The following RBFOX1 variants were observed in gnomAD, a reference collection of about 807,000 sequenced individuals.
RBFOX1 encodes the protein RNA binding protein fox-1 homolog 1.
A neutral mutation model predicts 57.7 loss-of-function variants in RBFOX1; 8 were observed. The ratio of observed to expected loss-of-function variants is 0.14; its 90% CI spans 0.08 to 0.25. The LOEUF (loss-of-function observed/expected upper bound fraction) is 0.25. Among genes scored for constraint, RBFOX1 ranks in the 10% least tolerant of loss-of-function variants. RBFOX1 has a pLI of 1.00. For synonymous variants in RBFOX1, 326 were observed against 222.4 expected (o/e 1.47, Z -4.15); for missense variants, 611 against 548.5 (o/e 1.11, Z -1.14).
chr16:7,027,966 G>A (rs1221974735), intron 3 of RBFOX1, among the ~76,000 whole-genome samples: 2 of 151,268 alleles, frequency 1.3e-5, no homozygotes, highest in Non-Finnish European at 2.9e-5. Flanking sequence ...AAGGAAGGAA[G>A]AAACAAGGGT....
chr16:6,063,450 T>C (rs1001225794), intron 1 of RBFOX1, among the ~76,000 whole-genome samples: 1 of 145,598 alleles, frequency 6.9e-6, no homozygotes, highest in African/African-American at 2.6e-5. Context: ...CATTAGCGTC[T>C]GTTCTCTTTC....
At chr16:5,458,589 C>G (rs2068699317) in intron 1 of RBFOX1, among the ~76,000 whole-genome samples, 1 of 152,198 alleles carries the variant, frequency 6.6e-6, no homozygotes, top group African/African-American at 2.4e-5. Flanking sequence ...GCCTCACAGC[C>G]TAGACTGGGC....
chr16:7,292,485 ATATGTAT>A (rs1310521550), intron 4 of RBFOX1, among the ~76,000 whole-genome samples: 1 of 138,868 alleles, frequency 7.2e-6, no homozygotes. Flanking sequence ...GTATTATATA[ATATGTAT>A]TATGTATTAT....
intron 1 of RBFOX1, among the ~76,000 whole-genome samples, chr16:5,377,751 A>C (rs1482951285): frequency 6.6e-6 from 1 of 151,466 alleles, no homozygotes; most frequent in Non-Finnish European, 1.5e-5. Context: ...CTGTCTCCAC[A>C]CTTGTCAACA....
chr16:6,998,713 G>T (rs1263361995), intron 3 of RBFOX1, among the ~76,000 whole-genome samples: 1 of 152,036 alleles, frequency 6.6e-6, no homozygotes, highest in South Asian at 2.1e-4. Context: ...ATGGCTACAG[G>T]TTGTCTTGTA....
chr16:6,944,879 T>C (rs367788872), intron 3 of RBFOX1, among the ~76,000 whole-genome samples: 3 of 152,166 alleles, frequency 2.0e-5, no homozygotes, highest in Admixed American at 2.0e-4. Flanking sequence ...TGATGGCTGA[T>C]TCGTGGGTAG....
chr16:7,020,511 G>C (rs1044951977), intron 3 of RBFOX1, among the ~76,000 whole-genome samples: 7 of 152,056 alleles, frequency 4.6e-5, no homozygotes, highest in African/African-American at 4.8e-5. Flanking sequence ...CAGCCACCGC[G>C]CCCAGCCAAT....
At chr16:7,270,521 GT>G (rs1421450789) in intron 4 of RBFOX1, among the ~76,000 whole-genome samples, 1 of 152,208 alleles carries the variant, frequency 6.6e-6, no homozygotes, top group Admixed American at 6.5e-5. Flanking sequence ...CCATTGGGCA[GT>G]TTCAGACCTT....
At chr16:7,568,257 G>T (rs891573538) in intron 5 of RBFOX1, among the ~76,000 whole-genome samples, 8 of 152,172 alleles carry the variant, frequency 5.3e-5, no homozygotes, top group Non-Finnish European at 1.2e-4. Flanking sequence ...ATTATTTCTT[G>T]ATTATGTATT....
At chr16:7,098,954 G>A (rs1050496332) in intron 4 of RBFOX1, among the ~76,000 whole-genome samples, 5 of 151,830 alleles carry the variant, frequency 3.3e-5, no homozygotes, top group Admixed American at 2.0e-4. Flanking sequence ...CTGATATTGA[G>A]CTGGTTGCTT....
At chr16:5,985,049 G>A (rs754172096) in intron 4 of RBFOX1, among the ~76,000 whole-genome samples, 28 of 140,350 alleles carry the variant, frequency 2.0e-4, no homozygotes, top group Admixed American at 3.0e-4. Flanking sequence ...GTAGTAGTGC[G>A]ATCTTGGCTC....
intron 4 of RBFOX1, among the ~76,000 whole-genome samples, chr16:7,220,548 C>T (rs2092646727): frequency 6.6e-6 from 1 of 152,098 alleles, no homozygotes; most frequent in Non-Finnish European, 1.5e-5. Context: ...TGGATGTAAC[C>T]CTGATGTCAG....
chr16:6,775,557 G>T (rs781081233), intron 3 of RBFOX1, among the ~76,000 whole-genome samples: 2 of 152,066 alleles, frequency 1.3e-5, no homozygotes, highest in Non-Finnish European at 2.9e-5. Context: ...CCATCTCTTT[G>T]AATTAAAATT....
chr16:6,693,511 C>T (rs1232236460), intron 3 of RBFOX1, among the ~76,000 whole-genome samples: 1 of 151,652 alleles, frequency 6.6e-6, no homozygotes, highest in Non-Finnish European at 1.5e-5. Flanking sequence ...TCATCATCCT[C>T]ATCCACTAAC....
chr16:6,250,681 C>G (rs28613933), intron 1 of RBFOX1, among the ~76,000 whole-genome samples: 1 of 152,002 alleles, frequency 6.6e-6, no homozygotes, highest in African/African-American at 2.4e-5. Flanking sequence ...GGAAGCCTGC[C>G]GGCTGTTCTC....
intron 3 of RBFOX1, among the ~76,000 whole-genome samples, chr16:5,735,137 C>G (rs759384927): frequency 2.2e-4 from 34 of 152,166 alleles, no homozygotes; most frequent in Non-Finnish European, 4.4e-4. Flanking sequence ...CCTGAACTGT[C>G]TGTGGTCACA....
intron 4 of RBFOX1, among the ~76,000 whole-genome samples, chr16:7,490,428 C>G (rs764411026): frequency 5.3e-5 from 8 of 152,174 alleles, no homozygotes; most frequent in African/African-American, 9.7e-5. Context: ...GTCTATGATT[C>G]TAGTTTCACT....
intron 1 of RBFOX1, among the ~76,000 whole-genome samples, chr16:5,312,150 A>G (rs1284774175): frequency 1.3e-5 from 2 of 152,176 alleles, no homozygotes; most frequent in African/African-American, 4.8e-5. Context: ...CTAACATGGA[A>G]TGCGTGTTTG....
chr16:5,706,440 G>T (rs28502701), intron 3 of RBFOX1, among the ~76,000 whole-genome samples: 1 of 152,084 alleles, frequency 6.6e-6, no homozygotes, highest in South Asian at 2.1e-4. Context: ...TTATTTCCCT[G>T]GTGCTCCCCC....
Sources: allele counts gnomAD v4.1 joint callset (sites outside exome capture counted in the v4.1 genomes callset), GRCh38; gene constraint gnomAD v4.1.1; transcripts MANE v1.5; gene names NCBI Gene and HGNC (gene_info 2026-07-23, HGNC 2026-07-21).